DGLUCY: variants seen among roughly 807,000 people sequenced by gnomAD.
DGLUCY encodes D-glutamate cyclase, also known as D-glutamate cyclase, mitochondrial.
Under a neutral mutation model 58.5 loss-of-function variants are expected in DGLUCY, and 58 were observed. The observed-to-expected ratio is 0.99, with a 90% CI of 0.80 to 1.23. The LOEUF (loss-of-function observed/expected upper bound fraction) is 1.23. DGLUCY is among the 50% of genes most tolerant of loss of function. The pLI is 0.00. For synonymous variants in DGLUCY, 325 were observed against 314.1 expected (o/e 1.03, Z -0.37); for missense variants, 779 against 784.7 (o/e 0.99, Z 0.09).
intron 13 of DGLUCY, chr14:91,223,855 C>T (rs1266536584): frequency 2.3e-6 from 1 of 431,670 alleles, no homozygotes; most frequent in Non-Finnish European, 3.9e-6. Flanking sequence ...TATCATCACC[C>T]TCCCCATTTT....
chr14:91,194,919 GGC>G (rs1438281829), intron 9 of DGLUCY, among the ~76,000 whole-genome samples: 2 of 152,206 alleles, frequency 1.3e-5, no homozygotes, highest in African/African-American at 4.8e-5. Flanking sequence ...GGGTGGCAGT[GGC>G]AGCTCCCAAA....
chr14:91,152,167 G>C (rs749505787), intron 1 of DGLUCY, among the ~76,000 whole-genome samples: 16 of 152,132 alleles, frequency 1.1e-4, no homozygotes, highest in Non-Finnish European at 2.1e-4. Flanking sequence ...CAGGAGGATC[G>C]CTTGAGCCCA....
intron 1 of DGLUCY, among the ~76,000 whole-genome samples, chr14:91,150,470 G>A (rs2047262469): frequency 1.3e-5 from 2 of 151,738 alleles, no homozygotes; most frequent in Non-Finnish European, 2.9e-5. Flanking sequence ...TTGAGAGAAT[G>A]TCTCACTGTC....
chr14:91,110,430 C>CTTTT (rs10711938), upstream of DGLUCY, among the ~76,000 whole-genome samples: 5 of 88,046 alleles, frequency 5.7e-5, no homozygotes, highest in Admixed American at 1.3e-4. Flanking sequence ...TTCTTTCTTT[C>CTTTT]TTTTTTTTTT....
intron 9 of DGLUCY, among the ~76,000 whole-genome samples, chr14:91,189,978 C>CTTTTT (rs55652724): frequency 7.4e-5 from 6 of 81,004 alleles, no homozygotes; most frequent in Non-Finnish European, 1.4e-4. Context: ...CTGTTAGGTT[C>CTTTTT]TTTTTTTTTT....
At chr14:91,179,684 G>A (rs1176295958) in intron 7 of DGLUCY, among the ~76,000 whole-genome samples, 1 of 150,232 alleles carries the variant, frequency 6.7e-6, no homozygotes, top group African/African-American at 2.5e-5. Context: ...CCGGGAGGCA[G>A]AGGTTGCAGT....
intron 1 of DGLUCY, among the ~76,000 whole-genome samples, chr14:91,157,311 GTGGA>G (rs1251135024): frequency 1.3e-5 from 2 of 150,122 alleles, no homozygotes; most frequent in South Asian, 2.1e-4. Context: ...GGATGAATGG[GTGGA>G]TGGATGGATG....
chr14:91,195,679 T>G (rs1388959311), intron 9 of DGLUCY, among the ~76,000 whole-genome samples: 1 of 149,148 alleles, frequency 6.7e-6, no homozygotes, highest in Non-Finnish European at 1.5e-5. Context: ...TGTTTTTTTT[T>G]TTTTTTTTTG....
chr14:91,064,622 CAAAAAAAAAA>C (rs35830145), intron 1 of DGLUCY, among the ~76,000 whole-genome samples: 17 of 57,620 alleles, frequency 3.0e-4, no homozygotes, highest in African/African-American at 9.9e-4. Context: ...GACTCTGTCT[CAAAAAAAAAA>C]AAAAAAAAAA....
At chr14:91,205,399 C>A (rs1461122961) in intron 12 of DGLUCY, among the ~76,000 whole-genome samples, 1 of 152,164 alleles carries the variant, frequency 6.6e-6, no homozygotes, top group Non-Finnish European at 1.5e-5. Context: ...CCAGGTCCGT[C>A]TAGGTGTGGC....
chr14:91,165,877 C>T (rs142543037), intron 3 of DGLUCY, among the ~76,000 whole-genome samples: 4,302 of 152,272 alleles, frequency 0.028, 76 homozygotes, highest in South Asian at 0.036. Context: ...CTCCAAAATG[C>T]ATGTTTGTGG....
At chr14:91,191,712 A>G (rs1027328936) in intron 9 of DGLUCY, among the ~76,000 whole-genome samples, 2 of 152,230 alleles carry the variant, frequency 1.3e-5, no homozygotes, top group Admixed American at 1.3e-4. Context: ...TGTGAGAAGT[A>G]GCCAGATGTT....
At chr14:91,097,516 GAAAT>G (rs1403152138) in intron 1 of DGLUCY, among the ~76,000 whole-genome samples, 1 of 152,162 alleles carries the variant, frequency 6.6e-6, no homozygotes, top group Non-Finnish European at 1.5e-5. Context: ...GTATGTTTGA[GAAAT>G]AAATCTCAAT....
chr14:91,220,389 A>G (rs773438664), intron 13 of DGLUCY: 32 of 419,590 alleles, frequency 7.6e-5, no homozygotes, highest in Non-Finnish European at 1.2e-4. Context: ...AACCGTCATT[A>G]TCATCATCAT....
intron 1 of DGLUCY, among the ~76,000 whole-genome samples, chr14:91,137,941 A>T (rs1177451677): frequency 1.3e-5 from 2 of 152,146 alleles, no homozygotes; most frequent in Admixed American, 6.6e-5. Flanking sequence ...ACTACTCAGC[A>T]TGACAAAGCA....
At chr14:91,085,101 C>T (rs1264320826) in intron 1 of DGLUCY, among the ~76,000 whole-genome samples, 1 of 151,482 alleles carries the variant, frequency 6.6e-6, no homozygotes, top group Non-Finnish European at 1.5e-5. Context: ...GTGCACTTGT[C>T]GTTCCTGCTA....
upstream of DGLUCY, among the ~76,000 whole-genome samples, chr14:91,111,190 T>G (rs1034975381): frequency 7.4e-6 from 1 of 135,854 alleles, no homozygotes; most frequent in Non-Finnish European, 1.6e-5. Flanking sequence ...CCTTTTCTTT[T>G]TATTTATATA....
chr14:91,123,338 G>C (rs1472984260), intron 1 of DGLUCY, among the ~76,000 whole-genome samples: 1 of 152,202 alleles, frequency 6.6e-6, no homozygotes, highest in Non-Finnish European at 1.5e-5. Flanking sequence ...AAAGCCACTT[G>C]ATATTAGCGC....
At chr14:91,126,912 C>T (rs1428915663) in intron 1 of DGLUCY, among the ~76,000 whole-genome samples, 1 of 152,112 alleles carries the variant, frequency 6.6e-6, no homozygotes, top group Non-Finnish European at 1.5e-5. Context: ...TGCACTCCAC[C>T]CCTTGACTGC....
Sources: gnomAD v4.1 joint callset for allele counts (sites outside exome capture counted in the v4.1 genomes callset) on GRCh38, gnomAD v4.1.1 for gene constraint, MANE v1.5 for transcripts, NCBI Gene and HGNC (gene_info 2026-07-23, HGNC 2026-07-21) for gene names.